The following AHCYL1 variants were observed in gnomAD, a reference collection of about 807,000 sequenced individuals.
The protein encoded by AHCYL1 is adenosylhomocysteinase like 1.
In AHCYL1, 20 loss-of-function variants were observed where a neutral mutation model predicts 79.3. That is an observed-to-expected ratio of 0.25 (90% CI 0.18 to 0.37). The LOEUF is 0.37. Among genes scored for constraint, AHCYL1 ranks in the 10% least tolerant of loss-of-function variants. The pLI, the probability that AHCYL1 is intolerant of heterozygous loss-of-function variation, is 1.00. For missense variants in AHCYL1, 330 were observed against 673.6 expected (o/e 0.49, Z 5.65); for synonymous variants, 223 against 242.2 (o/e 0.92, Z 0.74).
At chr1:110,012,338 C>T (rs1462003965) in intron 3 of AHCYL1, 24 bp from the exon 4 acceptor site, 1 of 1,607,620 alleles carries the variant, frequency 6.2e-7, no homozygotes, top group Non-Finnish European at 8.5e-7. Context: ...GCAGACCTAG[C>T]TCAAATCCTC....
Position 110,009,111 on chromosome 1 carries a change from G to C in AHCYL1, c.198G>C (p.Ser66=), listed in dbSNP as rs141483929. Residue 66 remains serine, a synonymous_variant, in exon 2 of 17, where the codon TCG becomes TCC. Transcript: ENST00000369799. ...CTGGCCGAAGATCTTTGTCTCGCTC[G>C]ATCTCACAGTCCTCCACTGACAGCT... ...TKTGRRSLSR[S]ISQSSTDSYS... is the part of the protein sequence containing the mutation. 6.2e-7 allele frequency: 1 copy of C among 1,613,842 alleles called. No individual in the cohort carries two copies. The highest frequency in any genetic ancestry group is 8.5e-7 in the Non-Finnish European group (1 of 1,179,836).
intron 1 of AHCYL1, chr1:110,004,544 G>T (rs1650525305): frequency 2.1e-6 from 2 of 964,706 alleles, no homozygotes; most frequent in Non-Finnish European, 2.5e-6. Flanking sequence ...ATTCAGACTT[G>T]TGTATTTCTT....
At chr1:110,004,158 CTG>C in intron 1 of AHCYL1, 2 of 985,408 alleles carry the variant, frequency 2.0e-6, no homozygotes, top group South Asian at 4.7e-5. Context: ...TGGATTCTAG[CTG>C]TGTGTGTGTT....
intron 9 of AHCYL1, 64 bp downstream of exon 9, chr1:110,016,794 A>T (rs1280796620): frequency 1.9e-6 from 3 of 1,594,258 alleles, no homozygotes; most frequent in Non-Finnish European, 8.6e-7. Flanking sequence ...TGGGTAAAGG[A>T]GGCTTGTGCT....
Position 110,023,421 on chromosome 1 carries a change from A to C in AHCYL1, c.*1741A>C, listed in dbSNP as rs1011248669. 1.3e-5 allele frequency: 2 copies of C among 152,518 alleles called. No individual in the cohort carries two copies. The highest frequency in any genetic ancestry group is 4.8e-5 in the African/African-American group (2 of 41,396). The allele number at this position is 152,518 out of a possible 1,614,324, so 9.4% of individuals were successfully genotyped here. On this transcript the variant is annotated 3_prime_UTR_variant, in exon 17 of 17. Coordinates refer to ENST00000369799, the MANE Select transcript of AHCYL1 (RefSeq NM_006621.7). The stretch of plus-strand genomic sequence containing the variant: ...ATCAGAACACCACATCTGTTAGGGG[A>C]GGTAACCTGGCCAACAGTGTATCCA...
chr1:110,010,640 A>G (rs1440097571), intron 2 of AHCYL1, among the ~76,000 whole-genome samples: 4 of 152,286 alleles, frequency 2.6e-5, no homozygotes, highest in Middle Eastern at 3.4e-3. Flanking sequence ...ACTTTTGTCT[A>G]TATCCATGGT....
chr1:110,006,690 G>A (rs1421308499), intron 1 of AHCYL1, among the ~76,000 whole-genome samples: 1 of 152,206 alleles, frequency 6.6e-6, no homozygotes, highest in Non-Finnish European at 1.5e-5. Flanking sequence ...CAGGTCTGGA[G>A]GAAACTGGCA....
intron 9 of AHCYL1, 24 bp downstream of exon 9, chr1:110,016,754 T>C (rs1642727581): frequency 2.5e-6 from 4 of 1,613,620 alleles, no homozygotes; most frequent in Non-Finnish European, 3.4e-6. Flanking sequence ...TCTCAGTGTC[T>C]CTTTCTTTTT....
Position 110,001,940 on chromosome 1 carries a change from C to G in AHCYL1, c.121-7094C>G, listed in dbSNP as rs938776853. Among the ~76,000 whole-genome samples, 7 of 152,264 alleles carry G rather than the reference C, an allele frequency of 4.6e-5. No homozygotes were observed. In the East Asian group the frequency reaches 1.3e-3, roughly 29 times the overall value. The stretch of plus-strand genomic sequence containing the variant: ...ATTATATATCTTTATGAAATATATT[C>G]TGAGGACGAGAAGAACTTCAATGAA... On this transcript the variant is annotated intron_variant, in intron 1 of 16. Coordinates refer to ENST00000369799, the MANE Select transcript of AHCYL1 (RefSeq NM_006621.7).
intron 1 of AHCYL1, chr1:110,004,526 T>A: frequency 1.0e-6 from 1 of 977,844 alleles, no homozygotes; most frequent in African/African-American, 1.7e-5. Flanking sequence ...TTACTTGAAG[T>A]GAAAGGTATT....
At chr1:109,999,168 A>T (rs1382058000) in intron 1 of AHCYL1, among the ~76,000 whole-genome samples, 1 of 152,064 alleles carries the variant, frequency 6.6e-6, no homozygotes, top group African/African-American at 2.4e-5. Context: ...AAAAAAAAAA[A>T]AGTATTCAAG....
chr1:110,021,006 C>T (rs957393783), intron 16 of AHCYL1, among the ~76,000 whole-genome samples, 155 bp downstream of exon 16: 2 of 152,206 alleles, frequency 1.3e-5, no homozygotes, highest in Non-Finnish European at 2.9e-5. Flanking sequence ...GCCTGTAATC[C>T]CAGCACTTTG....
At chr1:110,020,629 C>T (rs576691755) in intron 15 of AHCYL1, 102 bp from the exon 16 acceptor site, 2 of 1,413,754 alleles carry the variant, frequency 1.4e-6, no homozygotes, top group Non-Finnish European at 1.9e-6. Flanking sequence ...TATTCCATCC[C>T]TTGTCTGCTT....
At chr1:110,020,314 T>G (rs1651712982) in intron 15 of AHCYL1, among the ~76,000 whole-genome samples, 1 of 152,206 alleles carries the variant, frequency 6.6e-6, no homozygotes, top group Non-Finnish European at 1.5e-5. Flanking sequence ...AAATGAGTGT[T>G]ATTGACACAG....
intron 6 of AHCYL1, 61 bp from the exon 7 acceptor site, chr1:110,015,364 C>T (rs903057462): frequency 2.8e-5 from 39 of 1,400,812 alleles, no homozygotes; most frequent in Non-Finnish European, 3.9e-5. Flanking sequence ...AAAGTGGGTT[C>T]AAAGTTCCCC....
rs190880117 is a variant in AHCYL1 at position 110,022,260 on chromosome 1, A to G, written c.*580A>G. On this transcript the variant is annotated 3_prime_UTR_variant, in exon 17 of 17. Transcript: ENST00000369799. The stretch of plus-strand genomic sequence containing the variant: ...TGTTAAGATCAGGAGGCCCACTTGG[A>G]TTTATAGTATAGCCCTTCCTCCACT... The G allele has an allele frequency of 4.5e-4, 69 of 151,792 alleles. No homozygotes were observed. Among genetic ancestry groups the G allele is most frequent in the African/African-American group, 1.7e-3 (69 of 41,268 alleles). 9.4% of individuals were successfully genotyped at this position (151,792 alleles called of 1,614,324 possible).
intron 16 of AHCYL1, among the ~76,000 whole-genome samples, chr1:110,021,307 A>G (rs1252405697): frequency 1.3e-5 from 2 of 152,236 alleles, no homozygotes; most frequent in Admixed American, 6.5e-5. Flanking sequence ...TGTGGGAGAT[A>G]TCAGGGAGTT....
chr1:110,012,059 C>G (rs1193103008), intron 3 of AHCYL1, among the ~76,000 whole-genome samples: 2 of 152,304 alleles, frequency 1.3e-5, no homozygotes, highest in Non-Finnish European at 2.9e-5. Flanking sequence ...AACTATTTTC[C>G]TCTCTTCCCA....
At chr1:109,992,175 G>A (rs566571122) in intron 1 of AHCYL1, among the ~76,000 whole-genome samples, 1 of 152,182 alleles carries the variant, frequency 6.6e-6, no homozygotes, top group South Asian at 2.1e-4. Context: ...TTGGGAGGCC[G>A]AGGCAGGAGG....
Sources: gnomAD v4.1 joint callset for allele counts (sites outside exome capture counted in the v4.1 genomes callset) on GRCh38, gnomAD v4.1.1 for gene constraint, MANE v1.5 for transcripts, NCBI Gene and HGNC (gene_info 2026-07-23, HGNC 2026-07-21) for gene names.